Variants in CERKL observed in about 807,000 individuals in gnomAD.
CERKL encodes the protein CERK like autophagy regulator.
Under a neutral mutation model 63.4 loss-of-function variants are expected in CERKL, and 61 were observed. The observed-to-expected ratio is 0.96, with a 90% CI of 0.78 to 1.19. The LOEUF is 1.19. Among genes scored for constraint, CERKL ranks in the 50% most tolerant of loss-of-function variants. CERKL has a pLI of 0.00. For synonymous variants in CERKL, 250 were observed against 230.5 expected (o/e 1.08, Z -0.77); for missense variants, 675 against 655.5 (o/e 1.03, Z -0.33).
chr2:181,603,878 TG>T lies in CERKL; in HGVS notation c.439del (p.His147ThrfsTer23). On this transcript the variant is annotated frameshift_variant, in exon 2 of 13. Transcript: ENST00000410087. LOFTEE classifies it high-confidence loss of function. ...GAACTGTCTAAACCATATGTCACAG[TG>T]GTCTTCACTTAAATTAATAAGATCA... ...TLDLINLSED[H>X]CDIWFRQFKK... 1 of 1,613,104 alleles carries T rather than the reference TG, an allele frequency of 6.2e-7. No homozygotes were observed. Among genetic ancestry groups the T allele is most frequent in the Non-Finnish European group, 8.5e-7 (1 of 1,179,256 alleles).
intron 1 of CERKL, among the ~76,000 whole-genome samples, chr2:181,653,733 T>A (rs1688030979): frequency 6.6e-6 from 1 of 152,166 alleles, no homozygotes; most frequent in Non-Finnish European, 1.5e-5. Context: ...ATTAGAATAG[T>A]TACCAGAGAC....
intron 1 of CERKL, among the ~76,000 whole-genome samples, chr2:181,606,146 A>C (rs1685668319): frequency 6.7e-6 from 1 of 149,676 alleles, no homozygotes; most frequent in Non-Finnish European, 1.5e-5. Flanking sequence ...GACAAGGAGA[A>C]GGAGACAGAC....
In CERKL at chr2:181,654,854, C is replaced by CGCTCACAGCAA. The variant is rs1290329335; in HGVS notation, c.238+1904_238+1914dup. 6.6e-5 allele frequency among the ~76,000 whole-genome samples: 10 copies of CGCTCACAGCAA among 152,000 alleles called. 1 individual carries two copies. The highest frequency in any genetic ancestry group is 6.5e-4 in the Admixed American group (10 of 15,268). On this transcript the variant is annotated intron_variant, in intron 1 of 12. Coordinates refer to ENST00000410087, the MANE Select transcript of CERKL (RefSeq NM_201548.5). ...GGCTGGAGTGCAGTGGTGTGATCTC[C>CGCTCACAGCAA]GCTCACAGCAACCTCCAACTCCCAG...
chr2:181,566,491 T>C (rs1688673438), intron 3 of CERKL, among the ~76,000 whole-genome samples: 2 of 152,178 alleles, frequency 1.3e-5, no homozygotes, highest in Admixed American at 1.3e-4. Context: ...TAGCTGGCAT[T>C]GAACAGTCAA....
chr2:181,650,096 AG>A (rs1559124583), intron 1 of CERKL: 7 of 51,490 alleles, frequency 1.4e-4, no homozygotes, highest in East Asian at 5.7e-4. Context: ...GGAGGGAGGG[AG>A]GGAGGGAGGG....
intron 12 of CERKL, 78 bp from the exon 13 acceptor site, chr2:181,538,322 C>T: frequency 1.3e-6 from 1 of 799,746 alleles, no homozygotes; most frequent in East Asian, 2.5e-5. Flanking sequence ...TACACAATGC[C>T]AATGCCAAAT....
In CERKL at chr2:181,543,983, CA is replaced by C. The variant is rs11450338; in HGVS notation, c.1365+716del. On this transcript the variant is annotated intron_variant, in intron 11 of 12. Coordinates refer to ENST00000410087, the MANE Select transcript of CERKL (RefSeq NM_201548.5). ...TGGGTGACACAGCAAGGCTCTAACT[CA>C]AAAAAAAAAAAAAAAAGAAAGAAAA... Among the ~76,000 whole-genome samples the C allele has an allele frequency of 9.9e-3, 1,172 of 118,162 alleles. 10 individuals are homozygous for C. The highest frequency in any genetic ancestry group is 0.033 in the African/African-American group (1,047 of 31,312). The allele number at this position is 118,162 out of a possible 152,430, so 77.5% of individuals were successfully genotyped here.
At chr2:181,583,107 C>T (rs1285448865) in intron 2 of CERKL, among the ~76,000 whole-genome samples, 3 of 151,762 alleles carry the variant, frequency 2.0e-5, no homozygotes, top group Non-Finnish European at 1.5e-5. Context: ...AATCAAATAA[C>T]CCCAGTTGCG....
chr2:181,589,531 T>C (rs1684900558), intron 2 of CERKL, among the ~76,000 whole-genome samples: 1 of 152,244 alleles, frequency 6.6e-6, no homozygotes, highest in Admixed American at 6.5e-5. Flanking sequence ...AATCTTCATA[T>C]TTAAGTCTTT....
intron 5 of CERKL, among the ~76,000 whole-genome samples, chr2:181,552,640 G>A (rs1184976313): frequency 6.6e-6 from 1 of 152,048 alleles, no homozygotes; most frequent in Non-Finnish European, 1.5e-5. Context: ...TAGTAACAAT[G>A]CATTATATAC....
intron 2 of CERKL, among the ~76,000 whole-genome samples, chr2:181,600,678 G>T (rs1366208688): frequency 6.6e-6 from 1 of 152,158 alleles, no homozygotes; most frequent in African/African-American, 2.4e-5. Flanking sequence ...AAATAAATAT[G>T]CACTCAATGT....
At chr2:181,548,389 G>C (rs1389969215) in intron 8 of CERKL, 156 bp downstream of exon 8, 2 of 653,632 alleles carry the variant, frequency 3.1e-6, no homozygotes, top group South Asian at 3.8e-5. Flanking sequence ...GTGAGTAGTT[G>C]TTTGCTTACT....
At chr2:181,642,159 A>T (rs1687468327) in intron 1 of CERKL, among the ~76,000 whole-genome samples, 1 of 152,238 alleles carries the variant, frequency 6.6e-6, no homozygotes, top group Non-Finnish European at 1.5e-5. Flanking sequence ...TAACGTGTAG[A>T]CTGATGAATC....
chr2:181,618,454 T>C (rs905646422), intron 1 of CERKL, among the ~76,000 whole-genome samples: 5 of 152,114 alleles, frequency 3.3e-5, no homozygotes, highest in African/African-American at 1.2e-4. Context: ...TCTCACTCTG[T>C]TGCCCAGGCT....
intron 1 of CERKL, among the ~76,000 whole-genome samples, chr2:181,606,604 C>T (rs924183087): frequency 6.9e-6 from 1 of 144,040 alleles, no homozygotes; most frequent in East Asian, 2.1e-4. Flanking sequence ...AACGGAAAGG[C>T]CTTTTTCTCA....
intron 1 of CERKL, among the ~76,000 whole-genome samples, chr2:181,604,334 A>C (rs1685588411): frequency 6.6e-6 from 1 of 152,200 alleles, no homozygotes; most frequent in East Asian, 1.9e-4. Flanking sequence ...AATTACTAGT[A>C]AGAAATAAAA....
At chr2:181,573,539 G>A (rs1216332075) in intron 3 of CERKL, among the ~76,000 whole-genome samples, 2 of 151,716 alleles carry the variant, frequency 1.3e-5, no homozygotes, top group Non-Finnish European at 2.9e-5. Flanking sequence ...AAAAATATCT[G>A]AAAAAATTCT....
rs1316166214 is a variant in CERKL, at chr2:181,657,085, G to C, written c.-79C>G. Reference sequence around the variant, plus strand: ...GGAGGTGGAGGGCGCGGCAGCCCCAGCTCTAGCCGCGTCCAGCGCTGCCAC... The same window carrying C: ...GGAGGTGGAGGGCGCGGCAGCCCCACCTCTAGCCGCGTCCAGCGCTGCCAC... On this transcript the variant is annotated 5_prime_UTR_variant, in exon 1 of 13. Transcript: ENST00000410087. The C allele has an allele frequency of 7.6e-7, 1 of 1,309,480 alleles. No individual in the cohort carries two copies. Among genetic ancestry groups the C allele is most frequent in the Admixed American group, 2.0e-5 (1 of 50,832 alleles). The allele number at this position is 1,309,480 out of a possible 1,614,324, so 81.1% of individuals were successfully genotyped here.
rs767246700 is a variant in CERKL at position 181,604,026 on chromosome 2, T to C, written c.292A>G (p.Ile98Val). 9.3e-6 allele frequency: 15 copies of C among 1,610,122 alleles called. No homozygotes were observed. The East Asian group carries it at 2.9e-4, about 31-fold the overall frequency. Residue 98 changes from isoleucine to valine, a missense_variant, in exon 2 of 13, where the codon ATA becomes GTA. By Grantham distance (29) the Ile-to-Val change is conservative. Coordinates refer to ENST00000410087, the MANE Select transcript of CERKL (RefSeq NM_201548.5). Reference protein sequence around the residue: ...CKEEFIELKDIFSVKLKRRCS... With the variant: ...CKEEFIELKDVFSVKLKRRCS... ...CGCCGTTTCAGTTTCACAGAGAATATGTCTTTGAGTTCAATAAATTCTTCT... is the reference window on the plus strand; with the variant it reads ...CGCCGTTTCAGTTTCACAGAGAATACGTCTTTGAGTTCAATAAATTCTTCT...
Sources: gnomAD v4.1 joint callset for allele counts (sites outside exome capture counted in the v4.1 genomes callset) on GRCh38, gnomAD v4.1.1 for gene constraint, MANE v1.5 for transcripts, NCBI Gene and HGNC (gene_info 2026-07-23, HGNC 2026-07-21) for gene names.